Variants in NANS observed in about 807,000 individuals in gnomAD.
The protein encoded by NANS is N-acetylneuraminate-9-phosphate synthase.
A neutral mutation model predicts 33.3 loss-of-function variants in NANS; 29 were observed. That is an observed-to-expected ratio of 0.87 (90% CI 0.65 to 1.19). NANS has a LOEUF of 1.19. Ranked by LOEUF, NANS falls within the 50% of genes most tolerant of loss-of-function variation. The probability of loss-of-function intolerance (pLI) is 0.00; values close to 1 mark genes in which losing one functional copy is unlikely to be tolerated. For synonymous variants in NANS, 163 were observed against 177.2 expected (o/e 0.92, Z 0.64); for missense variants, 394 against 461.1 (o/e 0.85, Z 1.33).
chr9:98,061,935 C>T (rs1197991807), intron 2 of NANS, among the ~76,000 whole-genome samples: 2 of 151,228 alleles, frequency 1.3e-5, no homozygotes, highest in Non-Finnish European at 3.0e-5. Flanking sequence ...GGTCTGGGAA[C>T]CAGGGCCTGG....
At chr9:98,061,709 G>GCCC (rs1250761858) in intron 2 of NANS, among the ~76,000 whole-genome samples, 6 of 151,662 alleles carry the variant, frequency 4.0e-5, no homozygotes, top group South Asian at 2.1e-4. Flanking sequence ...GAACCTGGGA[G>GCCC]GTGGAGGTTG....
chr9:98,064,793 T>A (rs900287285), intron 2 of NANS, among the ~76,000 whole-genome samples: 1 of 152,164 alleles, frequency 6.6e-6, no homozygotes, highest in African/African-American at 2.4e-5. Flanking sequence ...CAGCCCAGGC[T>A]TCCCAGAGCG....
At chr9:98,059,029 A>T (rs998459830) in intron 1 of NANS, among the ~76,000 whole-genome samples, 2 of 148,204 alleles carry the variant, frequency 1.3e-5, no homozygotes, top group African/African-American at 2.5e-5. Flanking sequence ...AGAAGTTTTT[A>T]TTTTTTTTTT....
At chr9:98,076,187 C>A (rs532118308) in intron 2 of NANS, 3 of 152,146 alleles carry the variant, frequency 2.0e-5, no homozygotes, top group African/African-American at 4.8e-5. Context: ...TTCCCCCTTT[C>A]GCCAAGAATT....
chr9:98,081,896 T>C (rs1312234228), intron 5 of NANS: 1 of 152,226 alleles, frequency 6.6e-6, no homozygotes, highest in Non-Finnish European at 1.5e-5. Flanking sequence ...AGTTTCTTTA[T>C]AGAGGAAACA....
At chr9:98,082,681 A>C (rs1352122258) in intron 5 of NANS, among the ~76,000 whole-genome samples, 165 bp from the exon 6 acceptor site, 1 of 152,200 alleles carries the variant, frequency 6.6e-6, no homozygotes, top group Non-Finnish European at 1.5e-5. Context: ...TACTGGTTGA[A>C]TTCCTGCCAT....
intron 2 of NANS, among the ~76,000 whole-genome samples, chr9:98,068,974 T>TAA (rs1829232060): frequency 6.6e-6 from 1 of 152,186 alleles, no homozygotes. Context: ...TTTAAACAGC[T>TAA]TTATTGGGAC....
intron 1 of NANS, 136 bp downstream of exon 1, chr9:98,057,076 G>T: frequency 1.6e-6 from 2 of 1,230,912 alleles, no homozygotes. Flanking sequence ...TTCCGTTTTC[G>T]GAATCCTTCG....
At chr9:98,057,361 G>A (rs1828856795) in intron 1 of NANS, among the ~76,000 whole-genome samples, 1 of 152,156 alleles carries the variant, frequency 6.6e-6, no homozygotes, top group African/African-American at 2.4e-5. Flanking sequence ...GCGACACAGA[G>A]TTACTTTCAG....
At chr9:98,065,093 G>C (rs899984435) in intron 2 of NANS, among the ~76,000 whole-genome samples, 1 of 152,184 alleles carries the variant, frequency 6.6e-6, no homozygotes, top group African/African-American at 2.4e-5. Context: ...ATAGCAGCCT[G>C]CATTCAGAAA....
At chr9:98,057,116 C>T (rs2131615528) in intron 1 of NANS, among the ~76,000 whole-genome samples, 176 bp downstream of exon 1, 1 of 152,388 alleles carries the variant, frequency 6.6e-6, no homozygotes, top group South Asian at 2.1e-4. Flanking sequence ...GTCCGCCACC[C>T]TCGTGACCTT....
intron 1 of NANS, among the ~76,000 whole-genome samples, chr9:98,060,529 G>C (rs1440588662): frequency 6.6e-6 from 1 of 152,184 alleles, no homozygotes; most frequent in Non-Finnish European, 1.5e-5. Flanking sequence ...AATTAGCCGG[G>C]TGTCGTGGTG....
At chr9:98,078,975 T>C (rs1481474044) in intron 4 of NANS, among the ~76,000 whole-genome samples, 1 of 152,182 alleles carries the variant, frequency 6.6e-6, no homozygotes, top group Non-Finnish European at 1.5e-5. Context: ...ATAGGAGGCC[T>C]TCTTGAAACT....
At position 98,061,481 on chromosome 9, in the gene NANS, T is replaced by TAAAAAA. The variant is rs1284256979; in HGVS notation, c.348+497_348+502dup. ...AACAGAACAAGAGTCCATCTCAAAT[T>TAAAAAA]AAAAAAAAAAAAAAAAAAGGCCAGG... On this transcript the variant is annotated intron_variant, in intron 2 of 5. Coordinates refer to ENST00000210444, the MANE Select transcript of NANS (RefSeq NM_018946.4). Among the ~76,000 whole-genome samples, 107 of 74,664 alleles carry TAAAAAA rather than the reference T, an allele frequency of 1.4e-3. 1 individual carries two copies. Among genetic ancestry groups the TAAAAAA allele is most frequent in the African/African-American group, 5.3e-3 (102 of 19,194 alleles). 49.0% of individuals were successfully genotyped at this position (74,664 alleles called of 152,430 possible).
intron 2 of NANS, among the ~76,000 whole-genome samples, chr9:98,070,255 C>T (rs910761291): frequency 6.6e-6 from 1 of 151,930 alleles, no homozygotes; most frequent in Non-Finnish European, 1.5e-5. Flanking sequence ...GTAGCTGGGA[C>T]TACAGGTGTA....
intron 2 of NANS, among the ~76,000 whole-genome samples, chr9:98,065,005 C>G (rs1221667566): frequency 1.3e-5 from 2 of 152,134 alleles, no homozygotes; most frequent in Admixed American, 6.6e-5. Context: ...GCCCTGCAAC[C>G]TGGGGCAGGG....
intron 5 of NANS, chr9:98,081,452 G>A (rs1829857916): frequency 4.9e-6 from 1 of 204,070 alleles, no homozygotes; most frequent in Non-Finnish European, 9.9e-6. Context: ...TAAGCCCTGA[G>A]AAACATTTAG....
intron 1 of NANS, 37 bp downstream of exon 1, chr9:98,056,977 C>T (rs757824058): frequency 3.9e-6 from 6 of 1,537,650 alleles, no homozygotes; most frequent in Admixed American, 3.8e-5. Context: ...GATTCGGGCG[C>T]CGGGAGGGGC....
Position 98,073,271 on chromosome 9 carries a change from C to CTTTTT in NANS, c.349-3620_349-3616dup, listed in dbSNP as rs10606237. Among the ~76,000 whole-genome samples, 315 of 57,842 alleles carry CTTTTT rather than the reference C, an allele frequency of 5.4e-3. 34 individuals are homozygous for CTTTTT. Among genetic ancestry groups the CTTTTT allele is most frequent in the Non-Finnish European group, 7.9e-3 (265 of 33,714 alleles). The allele number at this position is 57,842 out of a possible 152,430, so 37.9% of individuals were successfully genotyped here. A position where few individuals can be genotyped will look rare whatever the true frequency, so the allele number is the denominator to read the frequency against. On this transcript the variant is annotated intron_variant, in intron 2 of 5. Transcript: ENST00000210444. ...GTTCTCCCCAGCTCATCACCATGGG[C>CTTTTT]TTTTTTTTTTTTTTTTTTTTTTTTT...
Sources: gnomAD v4.1 joint callset for allele counts (sites outside exome capture counted in the v4.1 genomes callset) on GRCh38, gnomAD v4.1.1 for gene constraint, MANE v1.5 for transcripts, NCBI Gene and HGNC (gene_info 2026-07-23, HGNC 2026-07-21) for gene names.